The following TRPC4 variants were observed in gnomAD, a reference collection of about 807,000 sequenced individuals.
The protein encoded by TRPC4 is transient receptor potential cation channel subfamily C member 4.
A neutral mutation model predicts 99.4 loss-of-function variants in TRPC4; 49 were observed. That is an observed-to-expected ratio of 0.49 (90% CI 0.39 to 0.63). The LOEUF is 0.63. TRPC4 is among the 20% of genes least tolerant of loss of function. The probability of loss-of-function intolerance (pLI) is 0.00; values close to 1 mark genes in which losing one functional copy is unlikely to be tolerated. For missense variants in TRPC4, 898 were observed against 1,152.9 expected (o/e 0.78, Z 3.20); for synonymous variants, 454 against 425.9 (o/e 1.07, Z -0.81).
chr13:37,753,492 T>A (rs1342325581), intron 2 of TRPC4, among the ~76,000 whole-genome samples: 1 of 150,870 alleles, frequency 6.6e-6, no homozygotes, highest in Non-Finnish European at 1.5e-5. Flanking sequence ...ATTAGACTTG[T>A]AGCCATGGAA....
chr13:37,736,039 A>C (rs956352289), intron 3 of TRPC4, among the ~76,000 whole-genome samples: 1 of 152,208 alleles, frequency 6.6e-6, no homozygotes, highest in Middle Eastern at 3.2e-3. Flanking sequence ...GACAGTTATT[A>C]CATGTAACTT....
intron 2 of TRPC4, among the ~76,000 whole-genome samples, chr13:37,755,310 G>C (rs2184125): frequency 0.068 from 10,344 of 151,376 alleles, 445 homozygotes; most frequent in Non-Finnish European, 0.091. Flanking sequence ...TGTGGCCTAG[G>C]CTGAACTAAA....
chr13:37,807,974 A>G (rs186359079), intron 1 of TRPC4, among the ~76,000 whole-genome samples: 5 of 152,198 alleles, frequency 3.3e-5, no homozygotes, highest in African/African-American at 1.2e-4. Flanking sequence ...ATTCCTAGTT[A>G]TGGACCTCTT....
intron 2 of TRPC4, among the ~76,000 whole-genome samples, chr13:37,773,361 G>T (rs576866803): frequency 6.6e-6 from 1 of 151,920 alleles, no homozygotes; most frequent in South Asian, 2.1e-4. Context: ...ATACGTGGAA[G>T]GAATCTACCA....
intron 5 of TRPC4, among the ~76,000 whole-genome samples, chr13:37,667,964 G>A (rs930964312): frequency 5.9e-5 from 9 of 152,124 alleles, no homozygotes; most frequent in Non-Finnish European, 1.2e-4. Context: ...CTGTCTTCGG[G>A]GTTCATGGTA....
chr13:37,720,988 AG>A lies in TRPC4; in HGVS notation c.897+24948del, dbSNP rs1954848908. Among the ~76,000 whole-genome samples, 3 of 152,230 alleles carry A rather than the reference AG, an allele frequency of 2.0e-5. No individual in the cohort carries two copies. In the South Asian group the frequency reaches 6.2e-4, roughly 32 times the overall value. On this transcript the variant is annotated intron_variant, in intron 3 of 10. Coordinates refer to ENST00000379705, the MANE Select transcript of TRPC4 (RefSeq NM_016179.4). ...AAAATATTTATTATGAGTACTTGGAAGAATTTGAAGAAAAGAACTATTAGGA... is the reference window on the plus strand; with the variant it reads ...AAAATATTTATTATGAGTACTTGGAAAATTTGAAGAAAAGAACTATTAGGA...
chr13:37,791,227 A>G (rs1406799773), intron 1 of TRPC4, among the ~76,000 whole-genome samples: 6 of 151,860 alleles, frequency 4.0e-5, no homozygotes, highest in African/African-American at 1.5e-4. Context: ...CCCTGTCTCT[A>G]CTAAAAATAT....
At chr13:37,733,044 G>A (rs1310175973) in intron 3 of TRPC4, among the ~76,000 whole-genome samples, 1 of 152,188 alleles carries the variant, frequency 6.6e-6, no homozygotes, top group Non-Finnish European at 1.5e-5. Flanking sequence ...ATGCCAAGGT[G>A]GGTGGATTGC....
At chr13:37,812,176 CAAAAAA>C (rs61607544) in intron 1 of TRPC4, among the ~76,000 whole-genome samples, 3 of 55,142 alleles carry the variant, frequency 5.4e-5, no homozygotes, top group Admixed American at 2.5e-4. Context: ...GAGACTCTAT[CAAAAAA>C]AAAAAAAAAA....
At chr13:37,744,636 G>A (rs56809893) in intron 3 of TRPC4, among the ~76,000 whole-genome samples, 4,281 of 152,260 alleles carry the variant, frequency 0.028, 188 homozygotes, top group African/African-American at 0.097. Context: ...AACAGACAAA[G>A]CAGCCAGGGC....
intron 3 of TRPC4, among the ~76,000 whole-genome samples, chr13:37,697,843 T>A (rs1386174907): frequency 1.3e-5 from 2 of 152,222 alleles, no homozygotes; most frequent in Non-Finnish European, 2.9e-5. Context: ...TATAGCTCCA[T>A]TGTATCTGAT....
Position 37,832,274 on chromosome 13 carries a change from G to T in TRPC4, c.-28+37321C>A, listed in dbSNP as rs189326422. 8.2e-3 allele frequency among the ~76,000 whole-genome samples: 1,256 copies of T among 152,280 alleles called. 7 individuals are homozygous for T. Among genetic ancestry groups the T allele is most frequent in the Non-Finnish European group, 0.012 (845 of 68,018 alleles). ...TAAAAAATACTCAATTTGGCCACGCGCTGTAGCCTGTAATCCCAGCACTTT... is the reference window on the plus strand; with the variant it reads ...TAAAAAATACTCAATTTGGCCACGCTCTGTAGCCTGTAATCCCAGCACTTT... On this transcript the variant is annotated intron_variant, in intron 1 of 10. Coordinates refer to ENST00000379705, the MANE Select transcript of TRPC4 (RefSeq NM_016179.4).
At chr13:37,662,169 G>A (rs1952468644) in intron 6 of TRPC4, among the ~76,000 whole-genome samples, 1 of 151,998 alleles carries the variant, frequency 6.6e-6, no homozygotes, top group East Asian at 1.9e-4. Context: ...AATTAGCCGG[G>A]CGTGGTGGTG....
chr13:37,682,215 T>C (rs1953270211), intron 4 of TRPC4, among the ~76,000 whole-genome samples: 1 of 152,202 alleles, frequency 6.6e-6, no homozygotes, highest in Non-Finnish European at 1.5e-5. Flanking sequence ...GTCTCTTATT[T>C]AAGCCGCAAA....
chr13:37,863,147 T>A lies in TRPC4; in HGVS notation c.-28+6448A>T, dbSNP rs1959499436. Among the ~76,000 whole-genome samples the A allele has an allele frequency of 2.6e-5, 4 of 151,504 alleles. No homozygotes were observed. In the South Asian group the frequency reaches 8.3e-4, roughly 31 times the overall value. The stretch of plus-strand genomic sequence containing the variant: ...ACACTCCATGATGTTCGTGCAATGA[T>A]GAAATTGCCTAATGATGCCTTTCTC... On this transcript the variant is annotated intron_variant, in intron 1 of 10. Coordinates refer to ENST00000379705, the MANE Select transcript of TRPC4 (RefSeq NM_016179.4).
At chr13:37,681,943 AT>A (rs1342553229) in intron 4 of TRPC4, among the ~76,000 whole-genome samples, 2 of 152,088 alleles carry the variant, frequency 1.3e-5, no homozygotes, top group South Asian at 2.1e-4. Flanking sequence ...AGTTTTTACT[AT>A]TTTTTTCTAC....
intron 3 of TRPC4, among the ~76,000 whole-genome samples, chr13:37,732,656 CGCTTCTACAT>C (rs1955276351): frequency 6.6e-6 from 1 of 152,044 alleles, no homozygotes; most frequent in African/African-American, 2.4e-5. Flanking sequence ...AAATCAGTAG[CGCTTCTACAT>C]GCTGATAACA....
At chr13:37,831,861 T>G (rs1003977608) in intron 1 of TRPC4, among the ~76,000 whole-genome samples, 1 of 152,040 alleles carries the variant, frequency 6.6e-6, no homozygotes, top group African/African-American at 2.4e-5. Context: ...GAGAGTAGAA[T>G]GGTGGTTACC....
chr13:37,779,722 TCTAA>T (rs1478369057), intron 2 of TRPC4, among the ~76,000 whole-genome samples: 1 of 152,152 alleles, frequency 6.6e-6, no homozygotes, highest in South Asian at 2.1e-4. Context: ...ATCCAACATT[TCTAA>T]CTAACTCCTA....
Sources: allele counts gnomAD v4.1 joint callset (sites outside exome capture counted in the v4.1 genomes callset), GRCh38; gene constraint gnomAD v4.1.1; transcripts MANE v1.5; gene names NCBI Gene and HGNC (gene_info 2026-07-23, HGNC 2026-07-21).